PLPPR1: variants seen among roughly 807,000 people sequenced by gnomAD.
The protein encoded by PLPPR1 is phospholipid phosphatase related 1.
A neutral mutation model predicts 33.1 loss-of-function variants in PLPPR1; 10 were observed. The ratio of observed to expected loss-of-function variants is 0.30; its 90% confidence interval spans 0.19 to 0.51. The LOEUF is 0.51. Among genes scored for constraint, PLPPR1 ranks in the 20% least tolerant of loss-of-function variants. PLPPR1 has a pLI of 0.97. For synonymous variants in PLPPR1, 151 were observed against 151.0 expected (o/e 1.00, Z 0.00); for missense variants, 304 against 408.1 (o/e 0.74, Z 2.20).
chr9:101,085,587 G>A (rs182835113), intron 1 of PLPPR1, among the ~76,000 whole-genome samples: 146 of 152,210 alleles, frequency 9.6e-4, no homozygotes, highest in African/African-American at 3.3e-3. Context: ...GATACTATAG[G>A]AATAGAGGGG....
chr9:101,118,366 C>T (rs1831139812), intron 1 of PLPPR1, among the ~76,000 whole-genome samples: 1 of 152,156 alleles, frequency 6.6e-6, no homozygotes, highest in African/African-American at 2.4e-5. Flanking sequence ...TCAAAATTGT[C>T]TTTCCAGATA....
At position 101,164,216 on chromosome 9, in the gene PLPPR1, C is replaced by T. The variant is rs79054798; in HGVS notation, c.-45-21234C>T. The stretch of plus-strand genomic sequence containing the variant: ...TATAAATTCCAGCTCTAATACTTAT[C>T]AGCTGTGTGAACCTGGGCACTCTGC... On this transcript the variant is annotated intron_variant, in intron 1 of 7. Transcript: ENST00000374874. 3.7e-3 allele frequency among the ~76,000 whole-genome samples: 569 copies of T among 152,256 alleles called. 2 individuals are homozygous for T. Among genetic ancestry groups the T allele is most frequent in the Non-Finnish European group, 6.1e-3 (418 of 68,008 alleles).
chr9:101,245,707 T>C (rs548200561), intron 2 of PLPPR1, among the ~76,000 whole-genome samples: 2 of 152,020 alleles, frequency 1.3e-5, no homozygotes, highest in African/African-American at 4.8e-5. Flanking sequence ...ACAAAAAAGT[T>C]ACTTGTCTGA....
chr9:101,143,335 G>A (rs1831478016), intron 1 of PLPPR1, among the ~76,000 whole-genome samples: 4 of 152,054 alleles, frequency 2.6e-5, no homozygotes, highest in Admixed American at 1.3e-4. Flanking sequence ...GTAGGTCTGG[G>A]GTGGTGCTAT....
At chr9:101,074,347 T>C (rs1389354831) in intron 1 of PLPPR1, among the ~76,000 whole-genome samples, 1 of 152,176 alleles carries the variant, frequency 6.6e-6, no homozygotes, top group Non-Finnish European at 1.5e-5. Flanking sequence ...ATAAATCATT[T>C]AAACTCACCA....
chr9:101,254,932 C>CT (rs1267990918), intron 2 of PLPPR1, among the ~76,000 whole-genome samples: 1 of 152,130 alleles, frequency 6.6e-6, no homozygotes, highest in Non-Finnish European at 1.5e-5. Context: ...GCACACTCCC[C>CT]TTCTCCAGGC....
chr9:101,154,523 G>A (rs1336942234), intron 1 of PLPPR1, among the ~76,000 whole-genome samples: 1 of 152,082 alleles, frequency 6.6e-6, no homozygotes, highest in Non-Finnish European at 1.5e-5. Context: ...TTCTCTGATG[G>A]TAGTCTGTAT....
At chr9:101,110,881 G>C (rs1831047400) in intron 1 of PLPPR1, among the ~76,000 whole-genome samples, 1 of 152,076 alleles carries the variant, frequency 6.6e-6, no homozygotes, top group Non-Finnish European at 1.5e-5. Context: ...TGATATTTTG[G>C]AATTAATCTT....
At chr9:101,304,427 G>C (rs1300640249) in intron 4 of PLPPR1, among the ~76,000 whole-genome samples, 1 of 152,176 alleles carries the variant, frequency 6.6e-6, no homozygotes, top group African/African-American at 2.4e-5. Flanking sequence ...GGAATACAAT[G>C]ATGAGCAAAA....
At chr9:101,061,987 C>T (rs10989365) in intron 1 of PLPPR1, among the ~76,000 whole-genome samples, 4,517 of 152,014 alleles carry the variant, frequency 0.03, 119 homozygotes, top group East Asian at 0.082. Context: ...GCTTTGATTA[C>T]TTGTGAACAG....
chr9:101,071,301 G>C (rs1240135386), intron 1 of PLPPR1, among the ~76,000 whole-genome samples: 1 of 152,088 alleles, frequency 6.6e-6, no homozygotes, highest in Non-Finnish European at 1.5e-5. Flanking sequence ...TCTGTAGGCA[G>C]TGCTGAGGAA....
At chr9:101,218,485 T>C (rs1305216512) in intron 2 of PLPPR1, among the ~76,000 whole-genome samples, 1 of 152,174 alleles carries the variant, frequency 6.6e-6, no homozygotes, top group Non-Finnish European at 1.5e-5. Context: ...ACTTGACCTA[T>C]GACTCAGTTT....
At chr9:101,159,145 A>T (rs192930540) in intron 1 of PLPPR1, among the ~76,000 whole-genome samples, 3 of 152,186 alleles carry the variant, frequency 2.0e-5, no homozygotes, top group Non-Finnish European at 4.4e-5. Flanking sequence ...CTCTTATTTG[A>T]TTTAAAATAA....
chr9:101,304,425 A>G (rs1828810319), intron 4 of PLPPR1, among the ~76,000 whole-genome samples: 1 of 152,224 alleles, frequency 6.6e-6, no homozygotes, highest in East Asian at 1.9e-4. Flanking sequence ...TGGGAATACA[A>G]TGATGAGCAA....
intron 1 of PLPPR1, among the ~76,000 whole-genome samples, chr9:101,122,718 C>T (rs1831192683): frequency 2.0e-5 from 3 of 152,136 alleles, no homozygotes; most frequent in South Asian, 2.1e-4. Context: ...ATGAAAAATA[C>T]TCTGTTCTAA....
chr9:101,058,425 A>G (rs1326911134), intron 1 of PLPPR1, among the ~76,000 whole-genome samples: 2 of 152,026 alleles, frequency 1.3e-5, no homozygotes, highest in African/African-American at 4.8e-5. Flanking sequence ...AGACAGTGAA[A>G]TTTGATTTAT....
chr9:101,310,253 C>T (rs957134941), intron 5 of PLPPR1, among the ~76,000 whole-genome samples: 4 of 152,164 alleles, frequency 2.6e-5, no homozygotes, highest in African/African-American at 9.7e-5. Flanking sequence ...TATAGACATG[C>T]AGAGATCAGC....
chr9:101,316,855 G>T (rs563944727), intron 6 of PLPPR1, among the ~76,000 whole-genome samples: 16 of 152,038 alleles, frequency 1.1e-4, no homozygotes, highest in Non-Finnish European at 1.9e-4. Flanking sequence ...CTTTTTAAGG[G>T]GCAAAATAGT....
intron 1 of PLPPR1, among the ~76,000 whole-genome samples, chr9:101,113,816 A>G (rs1251793610): frequency 6.6e-6 from 1 of 152,184 alleles, no homozygotes; most frequent in East Asian, 1.9e-4. Flanking sequence ...ATATTTCTGC[A>G]GAAACATGAA....
Sources: allele counts gnomAD v4.1 joint callset (sites outside exome capture counted in the v4.1 genomes callset), GRCh38; gene constraint gnomAD v4.1.1; transcripts MANE v1.5; gene names NCBI Gene and HGNC (gene_info 2026-07-23, HGNC 2026-07-21).